OPHN1: variants seen among roughly 807,000 people sequenced by gnomAD.
OPHN1 encodes the protein oligophrenin 1.
OPHN1 carries 11 observed loss-of-function variants against 60.7 expected under a neutral mutation model. That is an observed-to-expected ratio of 0.18 (90% CI 0.11 to 0.30). The LOEUF is 0.30. Ranked by LOEUF, OPHN1 falls within the 10% of genes least tolerant of loss-of-function variation. OPHN1 has a pLI of 1.00. For missense variants in OPHN1, 449 were observed against 611.0 expected, an observed-to-expected ratio of 0.73 and a Z score of 2.80; for synonymous variants, 226 against 222.6, an observed-to-expected ratio of 1.02 and a Z score of -0.14.
chrX:68,192,665 T>G, intron 15 of OPHN1: 1 of 371,311 alleles, frequency 2.7e-6, no homozygotes, highest in Non-Finnish European at 4.7e-6. Flanking sequence ...CAGTTCCAGT[T>G]GAGATGTAGG....
At chrX:68,364,180 T>C (rs1387184102) in intron 2 of OPHN1, among the ~76,000 whole-genome samples, 2 of 111,955 alleles carry the variant, frequency 1.8e-5, no homozygotes, top group Admixed American at 1.9e-4. Context: ...CCTCTTGACA[T>C]GTCAACAGTG....
At chrX:68,311,623 G>A (rs935933403) in intron 2 of OPHN1, among the ~76,000 whole-genome samples, 3 of 111,450 alleles carry the variant, frequency 2.7e-5, no homozygotes, top group African/African-American at 9.8e-5. Context: ...AGTAGAGACG[G>A]GGTTTCACCA....
chrX:68,258,569 C>T (rs1203030694), intron 5 of OPHN1, among the ~76,000 whole-genome samples: 1 of 108,192 alleles, frequency 9.2e-6, no homozygotes, highest in Non-Finnish European at 1.9e-5. Flanking sequence ...CAGCTTCATC[C>T]GTGTCCCTAC....
At chrX:68,282,461 A>G (rs1032207103) in intron 4 of OPHN1, among the ~76,000 whole-genome samples, 9 of 111,925 alleles carry the variant, frequency 8.0e-5, no homozygotes, top group Non-Finnish European at 1.5e-4. Context: ...CTGTATGGTG[A>G]CACTGTAATG....
chrX:68,271,187 A>T (rs955619988), intron 5 of OPHN1, among the ~76,000 whole-genome samples: 3 of 110,716 alleles, frequency 2.7e-5, no homozygotes, highest in African/African-American at 9.9e-5. Flanking sequence ...AAGGAAAAGT[A>T]CTCAAATAAG....
At chrX:68,197,346 C>T in intron 11 of OPHN1, 82 bp from the exon 12 acceptor site, 1 of 727,950 alleles carries the variant, frequency 1.4e-6, no homozygotes, top group Non-Finnish European at 2.2e-6. Flanking sequence ...TCCCTCTCTG[C>T]CCTGGAGTTT....
At chrX:68,065,381 T>C (rs1190502250) in intron 20 of OPHN1, among the ~76,000 whole-genome samples, 1 of 111,855 alleles carries the variant, frequency 8.9e-6, no homozygotes, top group African/African-American at 3.3e-5. Context: ...CTTTTAGAGA[T>C]ATACACTGAA....
chrX:68,165,495 G>T (rs7880614), intron 15 of OPHN1, among the ~76,000 whole-genome samples: 38,144 of 110,093 alleles, frequency 0.35, 5,432 homozygotes, highest in African/African-American at 0.51. Context: ...AACATTTACA[G>T]ATTAAGTTTA....
At position 68,185,607 on chromosome X, in the gene OPHN1, C is replaced by T. The variant is rs750638466; in HGVS notation, c.1276+7312G>A. On this transcript the variant is annotated intron_variant, in intron 15 of 24. Coordinates refer to ENST00000355520, the MANE Select transcript of OPHN1 (RefSeq NM_002547.3). ...GCTCATAGAAAAGATTTTATGAAAGCGGGTTGCTAGTCATAGTATAAGCAT... is the reference window on the plus strand; with the variant it reads ...GCTCATAGAAAAGATTTTATGAAAGTGGGTTGCTAGTCATAGTATAAGCAT... 2.6e-3 allele frequency among the ~76,000 whole-genome samples: 285 copies of T among 109,705 alleles called. 1 individual carries two copies. Among genetic ancestry groups the T allele is most frequent in the African/African-American group, 9.0e-3 (271 of 30,135 alleles).
chrX:68,235,600 G>A (rs1323052983), intron 5 of OPHN1, among the ~76,000 whole-genome samples: 3 of 109,472 alleles, frequency 2.7e-5, no homozygotes, highest in Non-Finnish European at 5.7e-5. Flanking sequence ...CACTTTGGGA[G>A]GCCGAGGCGG....
intron 23 of OPHN1, among the ~76,000 whole-genome samples, chrX:68,051,496 T>C (rs2076851494): frequency 9.0e-6 from 1 of 111,686 alleles, no homozygotes; most frequent in African/African-American, 3.3e-5. Flanking sequence ...AATCCAGGAA[T>C]ATGTGACTTT....
intron 15 of OPHN1, among the ~76,000 whole-genome samples, chrX:68,169,354 C>A (rs2077377259): frequency 9.0e-6 from 1 of 111,161 alleles, no homozygotes; most frequent in Non-Finnish European, 1.9e-5. Context: ...GGCCATACTG[C>A]CCAAGGTAAT....
At chrX:68,057,073 G>A (rs898926973) in intron 21 of OPHN1, among the ~76,000 whole-genome samples, 4 of 111,616 alleles carry the variant, frequency 3.6e-5, no homozygotes, top group Middle Eastern at 4.7e-3. Context: ...CCGTTCTACA[G>A]CTGAGGAAAC....
chrX:68,376,156 T>C (rs2078555792), intron 2 of OPHN1, among the ~76,000 whole-genome samples: 1 of 111,582 alleles, frequency 9.0e-6, no homozygotes, highest in Admixed American at 9.7e-5. Flanking sequence ...ATTTCCTTAA[T>C]GCCAATCCTA....
intron 15 of OPHN1, among the ~76,000 whole-genome samples, chrX:68,125,935 A>ATG (rs1440953185): frequency 3.5e-5 from 2 of 56,390 alleles, no homozygotes; most frequent in Non-Finnish European, 6.7e-5. Context: ...TGATCAATAT[A>ATG]TATATATATA....
At chrX:68,220,276 G>C (rs1378905446) in intron 6 of OPHN1, among the ~76,000 whole-genome samples, 1 of 107,628 alleles carries the variant, frequency 9.3e-6, no homozygotes, top group Non-Finnish European at 1.9e-5. Context: ...AGCTGAAATT[G>C]TGGCAATAAT....
At chrX:68,132,247 C>T (rs2077198102) in intron 15 of OPHN1, among the ~76,000 whole-genome samples, 1 of 107,180 alleles carries the variant, frequency 9.3e-6, no homozygotes, top group African/African-American at 3.4e-5. Flanking sequence ...GACACATGCA[C>T]ACGTATGTTT....
intron 6 of OPHN1, among the ~76,000 whole-genome samples, chrX:68,224,749 G>A (rs964142112): frequency 2.7e-5 from 3 of 112,007 alleles, no homozygotes; most frequent in Non-Finnish European, 3.8e-5. Context: ...AGAAGATATC[G>A]ACTGAAGGTT....
rs974693873 is a variant in OPHN1 at position 68,046,214 on chromosome X, C to T, written c.*958G>A. ...GAGTCCATGGACACTGGGTTAAGAA[C>T]TGCTTTTTTCAGGAGATAAAAGAGT... On this transcript the variant is annotated 3_prime_UTR_variant, in exon 25 of 25. Transcript: ENST00000355520. The T allele has an allele frequency of 1.8e-5, 2 of 111,792 alleles. No homozygotes were observed. The allele number at this position is 111,792 out of a possible 1,213,427, so 9.2% of individuals were successfully genotyped here.
Sources: gnomAD v4.1 joint callset for allele counts (sites outside exome capture counted in the v4.1 genomes callset) on GRCh38, gnomAD v4.1.1 for gene constraint, MANE v1.5 for transcripts, NCBI Gene and HGNC (gene_info 2026-07-23, HGNC 2026-07-21) for gene names.